GRID2: variants seen among roughly 807,000 people sequenced by gnomAD.
GRID2 encodes glutamate receptor ionotropic, delta-2.
Under a neutral mutation model 114.8 loss-of-function variants are expected in GRID2, and 33 were observed. That is an observed-to-expected ratio of 0.29 (90% CI 0.22 to 0.38). The LOEUF (loss-of-function observed/expected upper bound fraction) is 0.38, where lower values mean the gene tolerates loss of function less well. GRID2 is among the 10% of genes least tolerant of loss of function. The pLI is 1.00. For missense variants in GRID2, 1,184 were observed against 1,257.7 expected, an observed-to-expected ratio of 0.94 and a Z score of 0.89; for synonymous variants, 505 against 449.9, an observed-to-expected ratio of 1.12 and a Z score of -1.55.
At chr4:93,225,047 G>GAAAT (rs1745329439) in intron 7 of GRID2, among the ~76,000 whole-genome samples, 1 of 152,168 alleles carries the variant, frequency 6.6e-6, no homozygotes, top group African/African-American at 2.4e-5. Flanking sequence ...TAGAGATACT[G>GAAAT]AAATTGTTTT....
chr4:92,664,425 G>A (rs919064946), intron 2 of GRID2, among the ~76,000 whole-genome samples: 2 of 150,822 alleles, frequency 1.3e-5, no homozygotes. Context: ...TCATCCTGTT[G>A]TGGTTGGAGA....
intron 8 of GRID2, among the ~76,000 whole-genome samples, chr4:93,295,788 T>C (rs1275838229): frequency 6.6e-6 from 1 of 152,186 alleles, no homozygotes; most frequent in Admixed American, 6.5e-5. Flanking sequence ...AACACTGAGA[T>C]TGGCATTTTA....
At chr4:92,777,384 G>A (rs568622737) in intron 2 of GRID2, among the ~76,000 whole-genome samples, 2 of 152,032 alleles carry the variant, frequency 1.3e-5, no homozygotes, top group African/African-American at 4.8e-5. Context: ...ACCAGTCACC[G>A]TGCCTCCACG....
chr4:93,386,527 G>A (rs1410645710), intron 8 of GRID2, among the ~76,000 whole-genome samples: 1 of 152,086 alleles, frequency 6.6e-6, no homozygotes, highest in East Asian at 1.9e-4. Context: ...AAGCCAAAAT[G>A]AAAGTAACGA....
intron 4 of GRID2, among the ~76,000 whole-genome samples, chr4:93,184,507 C>CAAAAAA (rs1170737672): frequency 1.3e-5 from 1 of 79,576 alleles, no homozygotes; most frequent in African/African-American, 3.7e-5. Context: ...TATTATTTCT[C>CAAAAAA]AAAAAAAAAA....
At chr4:93,767,752 A>C (rs1191433173) in intron 14 of GRID2, among the ~76,000 whole-genome samples, 1 of 152,210 alleles carries the variant, frequency 6.6e-6, no homozygotes, top group African/African-American at 2.4e-5. Context: ...GACATGAAAC[A>C]GGTAAAAAGG....
chr4:92,931,833 T>G (rs1464650803), intron 2 of GRID2, among the ~76,000 whole-genome samples: 1 of 151,248 alleles, frequency 6.6e-6, no homozygotes, highest in Non-Finnish European at 1.5e-5. Context: ...TGCAGTCAAT[T>G]GTTTTTTGAC....
intron 1 of GRID2, among the ~76,000 whole-genome samples, chr4:92,353,737 C>A (rs1434471982): frequency 1.3e-5 from 2 of 152,016 alleles, no homozygotes; most frequent in Non-Finnish European, 2.9e-5. Flanking sequence ...ACCAGACTTG[C>A]ACTGAACATA....
chr4:92,821,605 A>G (rs1741284972), intron 2 of GRID2, among the ~76,000 whole-genome samples: 1 of 152,188 alleles, frequency 6.6e-6, no homozygotes, highest in African/African-American at 2.4e-5. Context: ...TTCCACATTC[A>G]TTAATGTAAT....
chr4:93,521,414 G>A (rs1244663237), intron 13 of GRID2, among the ~76,000 whole-genome samples: 1 of 152,146 alleles, frequency 6.6e-6, no homozygotes, highest in African/African-American at 2.4e-5. Flanking sequence ...CTATCAGCTA[G>A]TGAGGTAAGA....
At chr4:93,791,793 C>A (rs1734700140) in intron 1 of GRID2, among the ~76,000 whole-genome samples, 1 of 151,882 alleles carries the variant, frequency 6.6e-6, no homozygotes, top group African/African-American at 2.4e-5. Flanking sequence ...GATGGTGGCG[C>A]TGTGGTATCA....
chr4:93,153,898 G>A (rs1442805252), intron 4 of GRID2, among the ~76,000 whole-genome samples: 1 of 152,004 alleles, frequency 6.6e-6, no homozygotes, highest in Non-Finnish European at 1.5e-5. Flanking sequence ...ATTTTTAGAT[G>A]TACAATATAG....
chr4:92,502,281 T>A (rs1159003158), intron 1 of GRID2, among the ~76,000 whole-genome samples: 2 of 152,144 alleles, frequency 1.3e-5, no homozygotes, highest in Non-Finnish European at 2.9e-5. Context: ...AATTACATGT[T>A]AACTAAAAGC....
At chr4:92,499,674 G>T (rs1376676343) in intron 1 of GRID2, among the ~76,000 whole-genome samples, 1 of 152,124 alleles carries the variant, frequency 6.6e-6, no homozygotes, top group African/African-American at 2.4e-5. Flanking sequence ...GTGCAATGGC[G>T]TGATCTTGGC....
At chr4:93,250,705 C>T (rs772456065) in intron 8 of GRID2, among the ~76,000 whole-genome samples, 35 of 142,906 alleles carry the variant, frequency 2.4e-4, no homozygotes, top group African/African-American at 5.4e-4. Context: ...AATGTGCATG[C>T]GTATATATGT....
chr4:93,121,150 A>G (rs994189925), intron 4 of GRID2, among the ~76,000 whole-genome samples: 1 of 152,136 alleles, frequency 6.6e-6, no homozygotes, highest in Admixed American at 6.5e-5. Context: ...TATTTAAATG[A>G]CACATTTTTT....
intron 1 of GRID2, among the ~76,000 whole-genome samples, chr4:92,359,423 A>G (rs1728504441): frequency 6.6e-6 from 1 of 152,018 alleles, no homozygotes. Flanking sequence ...TATCTGACCT[A>G]TAACTTTTTC....
At chr4:92,942,708 C>T (rs1006691037) in intron 2 of GRID2, among the ~76,000 whole-genome samples, 18 of 152,174 alleles carry the variant, frequency 1.2e-4, no homozygotes, top group Admixed American at 6.6e-4. Context: ...TGGCTGGTAC[C>T]GGTTGTTCCT....
At chr4:92,870,251 TTAA>T (rs993709791) in intron 2 of GRID2, among the ~76,000 whole-genome samples, 12 of 150,710 alleles carry the variant, frequency 8.0e-5, no homozygotes, top group African/African-American at 3.0e-4. Context: ...ATATAATATA[TTAA>T]GTACATTATA....
Sources: allele counts gnomAD v4.1 joint callset (sites outside exome capture counted in the v4.1 genomes callset), GRCh38; gene constraint gnomAD v4.1.1; transcripts MANE v1.5; gene names NCBI Gene and HGNC (gene_info 2026-07-23, HGNC 2026-07-21).